Variants in TMCC3 observed in about 807,000 individuals in gnomAD.
TMCC3 encodes transmembrane and coiled-coil domain family 3.
Under a neutral mutation model 40.2 loss-of-function variants are expected in TMCC3, and 28 were observed. That is an observed-to-expected ratio of 0.70 (90% CI 0.52 to 0.95). The LOEUF is 0.95. Ranked by LOEUF, TMCC3 falls within the 40% of genes least tolerant of loss-of-function variation. The probability of loss-of-function intolerance (pLI) is 0.00; values close to 1 mark genes in which losing one functional copy is unlikely to be tolerated. For synonymous variants in TMCC3, 255 were observed against 248.5 expected (o/e 1.03, Z -0.25); for missense variants, 554 against 615.2 (o/e 0.90, Z 1.05).
At chr12:94,634,939 C>T (rs2068952438) in intron 1 of TMCC3, among the ~76,000 whole-genome samples, 1 of 152,204 alleles carries the variant, frequency 6.6e-6, no homozygotes, top group Non-Finnish European at 1.5e-5. Flanking sequence ...CATATTCATT[C>T]CACTCTTAAT....
At chr12:94,593,358 CT>C (rs1308528996) in intron 1 of TMCC3, among the ~76,000 whole-genome samples, 451 of 67,122 alleles carry the variant, frequency 6.7e-3, no homozygotes, top group East Asian at 0.021. Context: ...CAGGCTCCAT[CT>C]AAAAAAAAAA....
intron 1 of TMCC3, among the ~76,000 whole-genome samples, chr12:94,584,703 C>T (rs11615515): frequency 0.056 from 8,451 of 151,546 alleles, 315 homozygotes; most frequent in Non-Finnish European, 0.08. Context: ...TTCCAATGCA[C>T]AATTTTGTCA....
chr12:94,614,981 T>C (rs892506068), intron 1 of TMCC3, among the ~76,000 whole-genome samples: 37 of 152,032 alleles, frequency 2.4e-4, no homozygotes, highest in Non-Finnish European at 4.6e-4. Context: ...AATGATCAAA[T>C]GACAAGCAGC....
chr12:94,574,807 G>A (rs2068554467), intron 3 of TMCC3, among the ~76,000 whole-genome samples: 1 of 152,228 alleles, frequency 6.6e-6, no homozygotes, highest in Non-Finnish European at 1.5e-5. Flanking sequence ...CAGAAAAGGT[G>A]ATGGAACAAG....
At chr12:94,614,332 T>G (rs1406874529) in intron 1 of TMCC3, among the ~76,000 whole-genome samples, 1 of 152,142 alleles carries the variant, frequency 6.6e-6, no homozygotes, top group African/African-American at 2.4e-5. Flanking sequence ...TGGATCATTA[T>G]CCTCACTGGT....
At chr12:94,591,576 C>A (rs147964710) in intron 1 of TMCC3, among the ~76,000 whole-genome samples, 5 of 152,098 alleles carry the variant, frequency 3.3e-5, no homozygotes, top group Non-Finnish European at 7.4e-5. Context: ...ATGGTGAAAC[C>A]CTGTCTCTAC....
chr12:94,595,882 A>G (rs1176913581), intron 1 of TMCC3, among the ~76,000 whole-genome samples: 1 of 152,242 alleles, frequency 6.6e-6, no homozygotes, highest in Non-Finnish European at 1.5e-5. Flanking sequence ...AATGTCCATG[A>G]AAAGTACATT....
At chr12:94,644,354 C>T in intron 1 of TMCC3, 1 of 984,956 alleles carries the variant, frequency 1.0e-6, no homozygotes, top group Non-Finnish European at 1.2e-6. Flanking sequence ...CTAAGTCAAG[C>T]TGCGGGCATT....
chr12:94,586,274 C>T (rs2138831328), intron 1 of TMCC3, among the ~76,000 whole-genome samples: 1 of 152,294 alleles, frequency 6.6e-6, no homozygotes, highest in Non-Finnish European at 1.5e-5. Context: ...GAAATAAGTA[C>T]TCGATGAATT....
intron 1 of TMCC3, among the ~76,000 whole-genome samples, chr12:94,619,436 A>C (rs984939436): frequency 2.6e-5 from 4 of 152,144 alleles, no homozygotes; most frequent in Admixed American, 6.5e-5. Flanking sequence ...GAACTCTTTA[A>C]ACACCTTTTA....
At chr12:94,597,352 G>A (rs748446950) in intron 1 of TMCC3, among the ~76,000 whole-genome samples, 8 of 151,384 alleles carry the variant, frequency 5.3e-5, no homozygotes, top group African/African-American at 7.3e-5. Flanking sequence ...GATCTCCCAC[G>A]TACAGAATAT....
intron 1 of TMCC3, among the ~76,000 whole-genome samples, chr12:94,611,453 C>CT (rs1486103461): frequency 6.6e-6 from 1 of 152,124 alleles, no homozygotes; most frequent in East Asian, 1.9e-4. Flanking sequence ...AGGCTCACAG[C>CT]TTTGAATCTG....
chr12:94,572,010 G>GT lies in TMCC3; in HGVS notation c.1132-274dup, dbSNP rs933079392. 5.3e-5 allele frequency among the ~76,000 whole-genome samples: 8 copies of GT among 151,904 alleles called. No homozygotes were observed. The East Asian group carries it at 5.8e-4, about 11-fold the overall frequency. ...ATGGCTAAGTTTTTTGACTTTACCT[G>GT]TTTTTTTTGAGATGTAGTCTTGCTC... On this transcript the variant is annotated intron_variant, in intron 3 of 3. Transcript: ENST00000261226.
rs1156493086 is a variant in TMCC3 at position 94,570,662 on chromosome 12, A to G, written c.*773T>C. On this transcript the variant is annotated 3_prime_UTR_variant, in exon 4 of 4. Coordinates refer to ENST00000261226, the MANE Select transcript of TMCC3 (RefSeq NM_020698.4). ...GCTCACAGGATTCCAAATTAATGTT[A>G]AAGTCACAGTCTGATGAGGGATTTG... 1 of 152,640 alleles carries G rather than the reference A, an allele frequency of 6.6e-6. No homozygotes were observed. The highest frequency in any genetic ancestry group is 2.4e-5 in the African/African-American group (1 of 41,444). The allele number at this position is 152,640 out of a possible 1,614,324, so 9.5% of individuals were successfully genotyped here.
rs1386918566 is a variant in TMCC3 at position 94,593,397 on chromosome 12, G to GAAGA, written c.79-10860_79-10859insTCTT. 7.5e-5 allele frequency among the ~76,000 whole-genome samples: 5 copies of GAAGA among 67,058 alleles called. 1 individual carries two copies. Among genetic ancestry groups the GAAGA allele is most frequent in the Non-Finnish European group, 1.3e-4 (4 of 31,230 alleles). 44.0% of individuals were successfully genotyped at this position (67,058 alleles called of 152,430 possible). On this transcript the variant is annotated intron_variant, in intron 1 of 3. Transcript: ENST00000261226. ...AGAAAAGAAAAGAAAGAAGAAAGAAGAAAGAAGAAGAAGGAAGAAGAAGAA... is the reference window on the plus strand; with the variant it reads ...AGAAAAGAAAAGAAAGAAGAAAGAAGAAGAAAAGAAGAAGAAGGAAGAAGAAGAA...
At chr12:94,614,530 C>G (rs2068836951) in intron 1 of TMCC3, among the ~76,000 whole-genome samples, 1 of 152,178 alleles carries the variant, frequency 6.6e-6, no homozygotes, top group African/African-American at 2.4e-5. Context: ...TCAACCAGGA[C>G]AAGCCCTGTT....
chr12:94,582,780 G>A (rs2068612993), intron 1 of TMCC3, among the ~76,000 whole-genome samples: 1 of 151,810 alleles, frequency 6.6e-6, no homozygotes, highest in South Asian at 2.1e-4. Context: ...CACTTTTTTT[G>A]TGTAATGAGA....
chr12:94,576,142 G>T (rs891878184), intron 3 of TMCC3, among the ~76,000 whole-genome samples: 3 of 152,150 alleles, frequency 2.0e-5, no homozygotes, highest in African/African-American at 7.2e-5. Flanking sequence ...GTGAAGCAAA[G>T]TCTCTTAATC....
intron 1 of TMCC3, among the ~76,000 whole-genome samples, chr12:94,592,679 A>AAAAAAAAAAAAAAAAAAAAAAAAAT: frequency 6.7e-6 from 1 of 148,520 alleles, no homozygotes; most frequent in African/African-American, 2.5e-5. Context: ...AAAAAAAAAA[A>AAAAAAAAAAAAAAAAAAAAAAAAAT]AAAATTCTAT....
Sources: allele counts gnomAD v4.1 joint callset (sites outside exome capture counted in the v4.1 genomes callset), GRCh38; gene constraint gnomAD v4.1.1; transcripts MANE v1.5; gene names NCBI Gene and HGNC (gene_info 2026-07-23, HGNC 2026-07-21).